B4GALNT2: variants seen among roughly 807,000 people sequenced by gnomAD.
B4GALNT2 encodes the protein N-acetylneuraminylgalactosylglucosyl-glucoside beta-1,4-N- acetylgalactosaminyltransferase 2.
B4GALNT2 carries 42 observed loss-of-function variants against 51.1 expected under a neutral mutation model. That is an observed-to-expected ratio of 0.82 (90% CI 0.64 to 1.06). B4GALNT2 has a LOEUF of 1.06. Ranked by LOEUF, B4GALNT2 falls within the 50% of genes least tolerant of loss-of-function variation. The probability of loss-of-function intolerance (pLI) is 0.00; values close to 1 mark genes in which losing one functional copy is unlikely to be tolerated. For missense variants in B4GALNT2, 602 were observed against 633.6 expected (o/e 0.95, Z 0.54); for synonymous variants, 253 against 251.7 (o/e 1.01, Z -0.05).
chr17:49,134,956 G>C (rs909039233), intron 1 of B4GALNT2, among the ~76,000 whole-genome samples: 1 of 152,162 alleles, frequency 6.6e-6, no homozygotes. Flanking sequence ...AGGCATTTCT[G>C]CTATCTAGCT....
intron 1 of B4GALNT2, among the ~76,000 whole-genome samples, chr17:49,139,631 C>T (rs1567855300): frequency 6.6e-6 from 1 of 152,182 alleles, no homozygotes; most frequent in Non-Finnish European, 1.5e-5. Context: ...ATTCTCCTGA[C>T]TTAGCCTCCT....
chr17:49,135,787 G>C (rs1020009192), intron 1 of B4GALNT2, among the ~76,000 whole-genome samples: 2 of 151,628 alleles, frequency 1.3e-5, no homozygotes, highest in Non-Finnish European at 2.9e-5. Context: ...ATCCTGGCCC[G>C]GCATGGTGGC....
Position 49,169,781 on chromosome 17 carries a change from C to A in B4GALNT2, c.*53C>A, listed in dbSNP as rs1185465099. The A allele has an allele frequency of 2.1e-6, 3 of 1,462,750 alleles. No individual in the cohort carries two copies. Among genetic ancestry groups the A allele is most frequent in the Non-Finnish European group, 2.7e-6 (3 of 1,095,770 alleles). The allele number at this position is 1,462,750 out of a possible 1,614,324, so 90.6% of individuals were successfully genotyped here. On this transcript the variant is annotated 3_prime_UTR_variant, in exon 11 of 11. Coordinates refer to ENST00000393354, the MANE Select transcript of B4GALNT2 (RefSeq NM_001159387.2). ...GGCTGGCTGGTTATGGTATCTATAGCAGGCCACCAAAAACTGGACTCCTGA... is the reference window on the plus strand; with the variant it reads ...GGCTGGCTGGTTATGGTATCTATAGAAGGCCACCAAAAACTGGACTCCTGA...
rs894408758 is a variant in B4GALNT2, at chr17:49,148,746, G to A, written c.354-4054G>A. 3.2e-5 allele frequency: 18 copies of A among 563,906 alleles called. 1 individual carries two copies. The highest frequency in any genetic ancestry group is 4.8e-5 in the Non-Finnish European group (15 of 309,780). 34.9% of individuals were successfully genotyped at this position (563,906 alleles called of 1,614,324 possible). ...CATGTGGACATCCTTCTTGGCCACC[G>A]TGACTCCCTCCTTTAAAAGGAGTTC... On this transcript the variant is annotated intron_variant, in intron 3 of 10. Coordinates refer to ENST00000393354, the MANE Select transcript of B4GALNT2 (RefSeq NM_001159387.2).
chr17:49,150,981 A>G (rs2042748640), intron 3 of B4GALNT2, among the ~76,000 whole-genome samples: 1 of 152,202 alleles, frequency 6.6e-6, no homozygotes, highest in South Asian at 2.1e-4. Flanking sequence ...AGTATTCACT[A>G]TGATGATCTA....
Position 49,158,924 on chromosome 17 carries a change from C to T in B4GALNT2, c.499-113C>T. 2.4e-6 allele frequency: 3 copies of T among 1,257,118 alleles called. No individual in the cohort carries two copies. The South Asian group carries it at 4.2e-5, about 18-fold the overall frequency. 77.9% of individuals were successfully genotyped at this position (1,257,118 alleles called of 1,614,324 possible). On this transcript the variant is annotated intron_variant, in intron 5 of 10. Coordinates refer to ENST00000393354, the MANE Select transcript of B4GALNT2 (RefSeq NM_001159387.2). Reference sequence around the variant, plus strand: ...CTGTCAAGGGCACCCTGGTGCTTCTCCCCTCACCCTTATGTGCTCTGCCCT... The same window carrying T: ...CTGTCAAGGGCACCCTGGTGCTTCTTCCCTCACCCTTATGTGCTCTGCCCT...
intron 3 of B4GALNT2, among the ~76,000 whole-genome samples, chr17:49,147,056 A>G (rs2042701339): frequency 6.6e-6 from 1 of 152,180 alleles, no homozygotes; most frequent in Non-Finnish European, 1.5e-5. Flanking sequence ...ATCTGGCAAA[A>G]TTGCATTTAG....
upstream of B4GALNT2, among the ~76,000 whole-genome samples, chr17:49,131,875 GT>G: frequency 6.6e-6 from 1 of 152,252 alleles, no homozygotes; most frequent in East Asian, 1.9e-4. Flanking sequence ...GCTCACACCC[GT>G]AATCCTAGCA....
chr17:49,143,295 C>A (rs12103506), intron 3 of B4GALNT2, among the ~76,000 whole-genome samples: 1 of 98,254 alleles, frequency 1.0e-5, no homozygotes, highest in African/African-American at 4.8e-5. Flanking sequence ...ACAACAACAA[C>A]AAAAACAAAA....
At chr17:49,155,639 ATAT>A (rs2042802312) in intron 4 of B4GALNT2, among the ~76,000 whole-genome samples, 2 of 148,318 alleles carry the variant, frequency 1.3e-5, no homozygotes, top group African/African-American at 2.4e-5. Flanking sequence ...AGAAACATAT[ATAT>A]TATATTAATG....
chr17:49,141,039 AT>A (rs920301038), intron 1 of B4GALNT2, among the ~76,000 whole-genome samples: 40 of 144,878 alleles, frequency 2.8e-4, no homozygotes, highest in African/African-American at 9.7e-4. Flanking sequence ...TTTTTTCTGG[AT>A]TTTTTTGCCA....
chr17:49,135,570 T>G (rs933988464), intron 1 of B4GALNT2, among the ~76,000 whole-genome samples: 3 of 151,964 alleles, frequency 2.0e-5, no homozygotes, highest in African/African-American at 7.2e-5. Flanking sequence ...TCCTTCTTAT[T>G]TTTAATATCT....
rs1384911461 is a variant in B4GALNT2, at chr17:49,141,939, T to C, written c.216-96T>C. ...CAGTTGGGTGTAGGAAAGAAGATTT[T>C]CAGGGTAAACTACACACTGGATTAG... is the stretch of plus-strand genomic sequence containing the variant. On this transcript the variant is annotated intron_variant, in intron 2 of 10. Coordinates refer to ENST00000393354, the MANE Select transcript of B4GALNT2 (RefSeq NM_001159387.2). 2.0e-6 allele frequency: 3 copies of C among 1,492,490 alleles called. No homozygotes were observed. In the African/African-American group the frequency reaches 4.2e-5, roughly 21 times the overall value. 92.5% of individuals were successfully genotyped at this position (1,492,490 alleles called of 1,614,324 possible).
At chr17:49,128,675 T>C (rs1008791091), upstream of B4GALNT2, among the ~76,000 whole-genome samples, 8 of 152,178 alleles carry the variant, frequency 5.3e-5, no homozygotes, top group Admixed American at 4.6e-4. Context: ...AAAGGTGCCA[T>C]ATTTGGGCCT....
At chr17:49,164,611 C>T (rs1241201417) in intron 8 of B4GALNT2, among the ~76,000 whole-genome samples, 1 of 150,104 alleles carries the variant, frequency 6.7e-6, no homozygotes, top group Non-Finnish European at 1.5e-5. Flanking sequence ...AAGTGATTCT[C>T]CTGCCTTAGC....
chr17:49,134,695 C>T (rs1165004475), intron 1 of B4GALNT2, among the ~76,000 whole-genome samples: 1 of 152,192 alleles, frequency 6.6e-6, no homozygotes, highest in Admixed American at 6.5e-5. Flanking sequence ...TCAAGCAATT[C>T]CCCTGCCTCA....
chr17:49,168,121 A>G (rs2042927440), intron 9 of B4GALNT2, among the ~76,000 whole-genome samples: 1 of 152,094 alleles, frequency 6.6e-6, no homozygotes, highest in Admixed American at 6.6e-5. Flanking sequence ...TTACCACATC[A>G]CCCTTAGAGG....
chr17:49,168,776 C>G lies in B4GALNT2; in HGVS notation c.1191C>G (p.Phe397Leu), dbSNP rs774808849. 5.0e-6 allele frequency: 8 copies of G among 1,614,046 alleles called. No homozygotes were observed. Among genetic ancestry groups the G allele is most frequent in the Middle Eastern group, 1.7e-4 (1 of 6,018 alleles). Residue 397 changes from phenylalanine to leucine, a missense_variant, in exon 10 of 11, where the codon TTC becomes TTG. Coordinates refer to ENST00000393354, the MANE Select transcript of B4GALNT2 (RefSeq NM_001159387.2). The part of the protein sequence containing the change: ...GACLHKRMGF[F>L]QPLDGFPSCV... ...GCCTTCACAAGAGGATGGGATTTTT[C>G]CAACCCCTGGATGGCTTCCCCAGCT...
the B4GALNT2 span, among the ~76,000 whole-genome samples, chr17:49,126,100 C>A: frequency 2.6e-5 from 4 of 152,020 alleles, no homozygotes; most frequent in African/African-American, 9.7e-5. Flanking sequence ...GGATGGTTGC[C>A]GTGTCTGTGT....
Sources: allele counts gnomAD v4.1 joint callset (sites outside exome capture counted in the v4.1 genomes callset), GRCh38; gene constraint gnomAD v4.1.1; transcripts MANE v1.5; gene names NCBI Gene and HGNC (gene_info 2026-07-23, HGNC 2026-07-21).